GREB1L: variants seen among roughly 807,000 people sequenced by gnomAD.
The protein encoded by GREB1L is GREB1 like retinoic acid receptor coactivator.
In GREB1L, 17 loss-of-function variants were observed where a neutral mutation model predicts 200.8. The ratio of observed to expected loss-of-function variants is 0.08; its 90% CI spans 0.06 to 0.13. The LOEUF (loss-of-function observed/expected upper bound fraction) is 0.13, where lower values mean the gene tolerates loss of function less well. GREB1L is among the 10% of genes least tolerant of loss of function. The probability of loss-of-function intolerance (pLI) is 1.00; values close to 1 mark genes in which losing one functional copy is unlikely to be tolerated. For missense variants in GREB1L, 1,657 were observed against 2,367.7 expected (o/e 0.70, Z 6.23); for synonymous variants, 789 against 893.0 (o/e 0.88, Z 2.08).
At chr18:21,327,702 T>C (rs1219325636) in intron 1 of GREB1L, among the ~76,000 whole-genome samples, 2 of 151,114 alleles carry the variant, frequency 1.3e-5, no homozygotes, top group Non-Finnish European at 3.0e-5. Context: ...TTTTTTTTTC[T>C]TTTTTTTGGT....
chr18:21,484,403 G>C (rs1187067758), intron 17 of GREB1L, among the ~76,000 whole-genome samples: 2 of 151,966 alleles, frequency 1.3e-5, no homozygotes, highest in Non-Finnish European at 2.9e-5. Flanking sequence ...TCAAAAAAAA[G>C]TGCTGGGTTT....
chr18:21,388,920 T>G (rs943030012), intron 4 of GREB1L, among the ~76,000 whole-genome samples: 2 of 152,020 alleles, frequency 1.3e-5, no homozygotes, highest in African/African-American at 4.8e-5. Flanking sequence ...AGGTAAATTT[T>G]TATCTTATTC....
At chr18:21,370,451 G>A (rs2039830329) in intron 2 of GREB1L, among the ~76,000 whole-genome samples, 1 of 152,202 alleles carries the variant, frequency 6.6e-6, no homozygotes, top group African/African-American at 2.4e-5. Context: ...CAGGAAGTGT[G>A]TTTGGTTTAT....
At chr18:21,333,501 C>A (rs1463487139) in intron 1 of GREB1L, among the ~76,000 whole-genome samples, 1 of 151,812 alleles carries the variant, frequency 6.6e-6, no homozygotes, top group Non-Finnish European at 1.5e-5. Context: ...ATGGTGAAAC[C>A]CTGTCTCTAC....
intron 7 of GREB1L, among the ~76,000 whole-genome samples, chr18:21,438,431 A>G (rs763222206): frequency 1.3e-5 from 2 of 152,076 alleles, no homozygotes; most frequent in Non-Finnish European, 2.9e-5. Flanking sequence ...TTGGGAAGCC[A>G]AGGTGGAAGG....
intron 1 of GREB1L, among the ~76,000 whole-genome samples, chr18:21,299,448 T>A (rs1443441412): frequency 6.6e-6 from 1 of 151,944 alleles, no homozygotes; most frequent in Non-Finnish European, 1.5e-5. Flanking sequence ...TTAGTAAATA[T>A]CCCTGTTTTC....
chr18:21,401,065 T>G, intron 5 of GREB1L, 85 bp from the exon 6 acceptor site: 1 of 1,126,562 alleles, frequency 8.9e-7, no homozygotes, highest in South Asian at 1.6e-5. Flanking sequence ...GGTCAAAGAA[T>G]GTGAATGTTT....
intron 1 of GREB1L, among the ~76,000 whole-genome samples, chr18:21,329,134 G>T (rs972567059): frequency 1.3e-5 from 2 of 152,026 alleles, no homozygotes; most frequent in African/African-American, 4.8e-5. Flanking sequence ...GACCAGCCTG[G>T]CCAATATGGT....
At chr18:21,311,674 T>C (rs946111713) in intron 1 of GREB1L, among the ~76,000 whole-genome samples, 14 of 152,174 alleles carry the variant, frequency 9.2e-5, no homozygotes, top group African/African-American at 3.4e-4. Flanking sequence ...ACAGCTTGGT[T>C]ATATTGGGTT....
chr18:21,494,107 G>C (rs918033669), intron 19 of GREB1L, among the ~76,000 whole-genome samples: 4 of 151,992 alleles, frequency 2.6e-5, no homozygotes, highest in African/African-American at 9.7e-5. Context: ...CAATGTTATG[G>C]TTCCCCCTGA....
At chr18:21,350,218 G>T (rs1339807293) in intron 1 of GREB1L, among the ~76,000 whole-genome samples, 1 of 150,492 alleles carries the variant, frequency 6.6e-6, no homozygotes, top group Non-Finnish European at 1.5e-5. Context: ...AAAGGGAATA[G>T]ATTTTTCTTT....
chr18:21,368,584 T>G (rs556207686), intron 2 of GREB1L, among the ~76,000 whole-genome samples: 5 of 152,336 alleles, frequency 3.3e-5, no homozygotes, highest in Non-Finnish European at 7.4e-5. Context: ...CTTTGCAGGT[T>G]AAATAATTCA....
chr18:21,416,842 A>G (rs1056914015), intron 7 of GREB1L, among the ~76,000 whole-genome samples: 1 of 151,902 alleles, frequency 6.6e-6, no homozygotes, highest in Non-Finnish European at 1.5e-5. Context: ...CCTGGACAAC[A>G]TGGTGAAATC....
At chr18:21,270,674 A>G (rs1432606454) in intron 1 of GREB1L, among the ~76,000 whole-genome samples, 1 of 152,258 alleles carries the variant, frequency 6.6e-6, no homozygotes, top group Non-Finnish European at 1.5e-5. Context: ...CAAGGAGTCC[A>G]CAGGCTGCCA....
At chr18:21,260,238 G>A (rs2144101680) in intron 1 of GREB1L, among the ~76,000 whole-genome samples, 1 of 151,858 alleles carries the variant, frequency 6.6e-6, no homozygotes, top group East Asian at 1.9e-4. Context: ...TTTGGTCCTT[G>A]ATATATTTCT....
At chr18:21,336,245 T>A (rs2039184027) in intron 1 of GREB1L, among the ~76,000 whole-genome samples, 1 of 152,214 alleles carries the variant, frequency 6.6e-6, no homozygotes, top group South Asian at 2.1e-4. Context: ...CACCCTCTTC[T>A]TCCCTCTTAC....
intron 1 of GREB1L, among the ~76,000 whole-genome samples, chr18:21,305,993 A>G (rs1376470173): frequency 2.0e-5 from 3 of 152,144 alleles, no homozygotes; most frequent in Non-Finnish European, 4.4e-5. Context: ...TCTCATCTAA[A>G]TTATATTCCT....
At chr18:21,510,792 T>C (rs2037208913) in intron 27 of GREB1L, among the ~76,000 whole-genome samples, 1 of 152,228 alleles carries the variant, frequency 6.6e-6, no homozygotes, top group African/African-American at 2.4e-5. Flanking sequence ...TGCACCATTT[T>C]ACCTTCCCAC....
intron 7 of GREB1L, among the ~76,000 whole-genome samples, chr18:21,431,650 A>G (rs938370727): frequency 1.3e-5 from 2 of 152,034 alleles, no homozygotes; most frequent in African/African-American, 4.8e-5. Context: ...AGTGTTGTTC[A>G]AGTCTTTTAT....
Sources: gnomAD v4.1 joint callset for allele counts (sites outside exome capture counted in the v4.1 genomes callset) on GRCh38, gnomAD v4.1.1 for gene constraint, MANE v1.5 for transcripts, NCBI Gene and HGNC (gene_info 2026-07-23, HGNC 2026-07-21) for gene names.